PXDNL: variants seen among roughly 807,000 people sequenced by gnomAD.
PXDNL encodes peroxidasin like.
Under a neutral mutation model 150.8 loss-of-function variants are expected in PXDNL, and 145 were observed. That is an observed-to-expected ratio of 0.96 (90% CI 0.84 to 1.10). PXDNL has a LOEUF of 1.10. Among genes scored for constraint, PXDNL ranks in the 50% least tolerant of loss-of-function variants. The pLI is 0.00. For missense variants in PXDNL, 2,087 were observed against 1,873.9 expected (o/e 1.11, Z -2.10); for synonymous variants, 757 against 725.7 (o/e 1.04, Z -0.69).
At position 51,559,604 on chromosome 8, in the gene PXDNL, T is replaced by C. The variant is rs573990063; in HGVS notation, c.309-2693A>G. ...TGAAAACACTAAAGCATCTCTAGAG[T>C]CCACCCTCAGCAGAGTCAAGTGGGA... is the stretch of plus-strand genomic sequence containing the variant. On this transcript the variant is annotated intron_variant, in intron 3 of 22. Coordinates refer to ENST00000356297, the MANE Select transcript of PXDNL (RefSeq NM_144651.5). Among the ~76,000 whole-genome samples, 6 of 151,752 alleles carry C rather than the reference T, an allele frequency of 4.0e-5. No homozygotes were observed. The East Asian group carries it at 1.2e-3, about 30-fold the overall frequency.
intron 1 of PXDNL, among the ~76,000 whole-genome samples, chr8:51,686,232 C>T (rs1815868623): frequency 6.6e-6 from 1 of 152,192 alleles, no homozygotes; most frequent in Admixed American, 6.5e-5. Context: ...TCCTCTAGAA[C>T]TCTCTTGGTA....
At chr8:51,654,794 T>C in intron 1 of PXDNL, 34 bp from the exon 2 acceptor site, 5 of 1,512,378 alleles carry the variant, frequency 3.3e-6, no homozygotes, top group Non-Finnish European at 4.6e-6. Context: ...ACGATTATAA[T>C]ATGTTGACTG....
chr8:51,462,490 A>AT (rs1331019387), intron 8 of PXDNL, among the ~76,000 whole-genome samples: 1 of 152,240 alleles, frequency 6.6e-6, no homozygotes, highest in African/African-American at 2.4e-5. Context: ...CACTACAGGA[A>AT]TTTCATAATA....
intron 17 of PXDNL, among the ~76,000 whole-genome samples, chr8:51,388,652 G>GTC (rs1242029501): frequency 7.2e-5 from 11 of 152,052 alleles, no homozygotes; most frequent in South Asian, 4.2e-4. Flanking sequence ...TTCAAACTGG[G>GTC]TCTCTCTCTC....
chr8:51,578,001 GGAAGGA>G (rs1813116103), intron 3 of PXDNL, among the ~76,000 whole-genome samples: 1 of 53,056 alleles, frequency 1.9e-5, no homozygotes, highest in African/African-American at 1.0e-4. Context: ...GAAAGAAAGA[GGAAGGA>G]AGGAAGGAAG....
rs1168530847 is a variant in PXDNL, at chr8:51,761,088, T to TG, written c.164+48092dup. Among the ~76,000 whole-genome samples the TG allele has an allele frequency of 4.2e-4, 62 of 147,420 alleles. 1 individual carries two copies. The highest frequency in any genetic ancestry group is 1.5e-3 in the African/African-American group (60 of 39,560). On this transcript the variant is annotated intron_variant, in intron 1 of 22. Transcript: ENST00000356297. ...CGGGGTTTCACCATGTTAGCCAGGA[T>TG]GGTCTCGAACTGCTGACCTCGTGAT...
intron 1 of PXDNL, among the ~76,000 whole-genome samples, chr8:51,700,169 ACAC>A (rs1816222306): frequency 5.9e-4 from 1 of 1,692 alleles, no homozygotes. Flanking sequence ...ATGCCTGCAT[ACAC>A]ACACACACAC....
Position 51,474,973 on chromosome 8 carries a change from G to T in PXDNL, c.693C>A (p.Cys231Ter), listed in dbSNP as rs775076123. 6.3e-7 allele frequency: 1 copy of T among 1,588,056 alleles called. No homozygotes were observed. Among genetic ancestry groups the T allele is most frequent in the South Asian group, 1.1e-5 (1 of 87,886 alleles). ...ATGTACACATTGAAATTTACGTACGGCAATTGAATTCCTCTACTGTTACTG... is the reference window on the plus strand; with the variant it reads ...ATGTACACATTGAAATTTACGTACGTCAATTGAATTCCTCTACTGTTACTG... ...VASVTVEEFNCQSPRITFEPQ... is the reference protein window; with the variant it reads ...VASVTVEEFN The change falls in exon 7 of 23, where the codon TGC becomes TGA. Residue 231 changes from cysteine (C) to a stop codon, truncating the protein, a stop_gained and splice_region_variant. Transcript: ENST00000356297. LOFTEE classifies it high-confidence loss of function.
rs150452894 is a variant in PXDNL, at chr8:51,367,893, C to T, written c.3901+3980G>A. On this transcript the variant is annotated intron_variant, in intron 19 of 22. Transcript: ENST00000356297. ...CTGTAATCCCAGCATTCTGGGAGGC[C>T]GAGACGGGTGGATCACCTGAGGTCA... Among the ~76,000 whole-genome samples, 274 of 152,172 alleles carry T rather than the reference C, an allele frequency of 1.8e-3. 3 individuals carry two copies. Among genetic ancestry groups the T allele is most frequent in the East Asian group, 0.016 (85 of 5,170 alleles).
intron 19 of PXDNL, among the ~76,000 whole-genome samples, chr8:51,369,830 G>C (rs1377779576): frequency 1.3e-5 from 2 of 152,166 alleles, no homozygotes; most frequent in African/African-American, 4.8e-5. Flanking sequence ...CCCTCCTCTG[G>C]TCTGTTACAT....
chr8:51,762,504 G>T (rs1450512896), intron 1 of PXDNL, among the ~76,000 whole-genome samples: 1 of 152,078 alleles, frequency 6.6e-6, no homozygotes, highest in Non-Finnish European at 1.5e-5. Flanking sequence ...AATAAAACAT[G>T]GTCTCCACAA....
chr8:51,784,369 A>T (rs2037441584), intron 1 of PXDNL, among the ~76,000 whole-genome samples: 1 of 152,238 alleles, frequency 6.6e-6, no homozygotes. Flanking sequence ...TGTTTTTACG[A>T]ATTCTTAAGC....
At chr8:51,493,191 G>T (rs1810942200) in intron 5 of PXDNL, among the ~76,000 whole-genome samples, 1 of 152,164 alleles carries the variant, frequency 6.6e-6, no homozygotes, top group South Asian at 2.1e-4. Flanking sequence ...TGGACCTCCA[G>T]CAAACTCCAA....
intron 2 of PXDNL, among the ~76,000 whole-genome samples, chr8:51,606,328 T>C (rs188769121): frequency 1.4e-3 from 212 of 152,310 alleles, no homozygotes; most frequent in Non-Finnish European, 2.4e-3. Context: ...TCTCTCATCG[T>C]AGCATATTTT....
chr8:51,417,338 C>T (rs1032984648), intron 14 of PXDNL, among the ~76,000 whole-genome samples: 1 of 152,178 alleles, frequency 6.6e-6, no homozygotes, highest in African/African-American at 2.4e-5. Flanking sequence ...TATTTGCAAT[C>T]CTATCCCTGC....
chr8:51,400,238 A>G (rs1009998533), intron 17 of PXDNL, among the ~76,000 whole-genome samples: 2 of 152,204 alleles, frequency 1.3e-5, no homozygotes, highest in African/African-American at 4.8e-5. Context: ...CTTAAAAGAT[A>G]TATTGCAGCT....
chr8:51,807,959 T>C (rs368460300), intron 1 of PXDNL, among the ~76,000 whole-genome samples: 1 of 152,224 alleles, frequency 6.6e-6, no homozygotes, highest in Admixed American at 6.5e-5. Context: ...CAATAAGCAG[T>C]GCTCCCAAGT....
intron 2 of PXDNL, among the ~76,000 whole-genome samples, chr8:51,646,819 G>C (rs904052150): frequency 6.6e-6 from 1 of 152,134 alleles, no homozygotes; most frequent in Non-Finnish European, 1.5e-5. Flanking sequence ...CAATGATTAG[G>C]AGAGATAGGG....
chr8:51,585,815 T>C (rs1813311087), intron 3 of PXDNL, among the ~76,000 whole-genome samples: 1 of 152,150 alleles, frequency 6.6e-6, no homozygotes, highest in South Asian at 2.1e-4. Flanking sequence ...TGCTGAATTT[T>C]CTCACAACCT....
Sources: gnomAD v4.1 joint callset for allele counts (sites outside exome capture counted in the v4.1 genomes callset) on GRCh38, gnomAD v4.1.1 for gene constraint, MANE v1.5 for transcripts, NCBI Gene and HGNC (gene_info 2026-07-23, HGNC 2026-07-21) for gene names.